The following NAALADL2 variants were observed in gnomAD, a reference collection of about 807,000 sequenced individuals.
NAALADL2 encodes the protein N-acetylated alpha-linked acidic dipeptidase like 2.
Under a neutral mutation model 87.2 loss-of-function variants are expected in NAALADL2, and 76 were observed. That is an observed-to-expected ratio of 0.87 (90% CI 0.72 to 1.05). The LOEUF (loss-of-function observed/expected upper bound fraction) is 1.05. NAALADL2 is among the 50% of genes least tolerant of loss of function. The pLI, the probability that NAALADL2 is intolerant of heterozygous loss-of-function variation, is 0.00. For missense variants in NAALADL2, 1,089 were observed against 945.8 expected, an observed-to-expected ratio of 1.15 and a Z score of -1.99; for synonymous variants, 354 against 331.0, an observed-to-expected ratio of 1.07 and a Z score of -0.75.
At chr3:174,902,348 T>C (rs991466912) in intron 1 of NAALADL2, among the ~76,000 whole-genome samples, 1 of 152,138 alleles carries the variant, frequency 6.6e-6, no homozygotes, top group Non-Finnish European at 1.5e-5. Flanking sequence ...AAATAATGTA[T>C]GTAAAGTACC....
At chr3:174,843,850 C>T (rs940421047) in intron 3 of NAALADL2, among the ~76,000 whole-genome samples, 2 of 151,650 alleles carry the variant, frequency 1.3e-5, no homozygotes, top group African/African-American at 4.8e-5. Context: ...CTATTAAGGT[C>T]TTTTGCTGAT....
At chr3:175,047,716 G>A (rs1015275621) in intron 1 of NAALADL2, among the ~76,000 whole-genome samples, 2 of 152,008 alleles carry the variant, frequency 1.3e-5, no homozygotes, top group Non-Finnish European at 2.9e-5. Flanking sequence ...GATAAACTGA[G>A]ACTAGATCAA....
intron 4 of NAALADL2, among the ~76,000 whole-genome samples, chr3:175,280,788 A>G (rs534637587): frequency 2.6e-5 from 4 of 152,062 alleles, no homozygotes; most frequent in Non-Finnish European, 5.9e-5. Flanking sequence ...AACAATGAAT[A>G]GATGTCTGTT....
chr3:175,467,205 A>T (rs753247037), intron 8 of NAALADL2, 21 bp downstream of exon 8: 11 of 1,583,414 alleles, frequency 6.9e-6, no homozygotes, highest in Middle Eastern at 1.7e-4. Flanking sequence ...ATATACATTA[A>T]TTACAGTGCT....
chr3:175,211,437 A>G (rs560596625), intron 2 of NAALADL2, among the ~76,000 whole-genome samples: 2 of 152,030 alleles, frequency 1.3e-5, no homozygotes, highest in Admixed American at 1.3e-4. Flanking sequence ...TCCTATTGAA[A>G]CTAGTATATT....
intron 4 of NAALADL2, among the ~76,000 whole-genome samples, chr3:175,278,092 C>CT (rs1753833679): frequency 6.6e-6 from 1 of 152,164 alleles, no homozygotes. Flanking sequence ...CGCCACCGCA[C>CT]TCCAGCCTGG....
chr3:174,740,354 A>T (rs1733648958), intron 3 of NAALADL2, among the ~76,000 whole-genome samples: 1 of 151,826 alleles, frequency 6.6e-6, no homozygotes, highest in Non-Finnish European at 1.5e-5. Flanking sequence ...AAACCCTCAG[A>T]CCTGAATTCC....
chr3:175,485,077 G>A (rs1477554816), intron 9 of NAALADL2, among the ~76,000 whole-genome samples: 1 of 152,040 alleles, frequency 6.6e-6, no homozygotes, highest in Non-Finnish European at 1.5e-5. Flanking sequence ...ACAATGTATT[G>A]GCTTTGTAAT....
At chr3:174,829,253 T>G (rs1383940217) in intron 3 of NAALADL2, among the ~76,000 whole-genome samples, 1 of 151,472 alleles carries the variant, frequency 6.6e-6, no homozygotes, top group Non-Finnish European at 1.5e-5. Context: ...CTCCCAGTGC[T>G]ATCCCTCCCC....
chr3:174,536,070 T>C (rs1044708499), intron 1 of NAALADL2, among the ~76,000 whole-genome samples: 1 of 152,118 alleles, frequency 6.6e-6, no homozygotes, highest in Admixed American at 6.5e-5. Flanking sequence ...TAAAAACATT[T>C]TTAAAATGCA....
At chr3:174,613,441 A>G (rs1315855029) in intron 2 of NAALADL2, among the ~76,000 whole-genome samples, 3 of 83,202 alleles carry the variant, frequency 3.6e-5, no homozygotes, top group African/African-American at 2.1e-4. Flanking sequence ...AAACCTTAGA[A>G]GTCTATCTAC....
chr3:175,061,572 A>AAAGT (rs537664871), intron 1 of NAALADL2, among the ~76,000 whole-genome samples: 1 of 152,028 alleles, frequency 6.6e-6, no homozygotes, highest in Non-Finnish European at 1.5e-5. Context: ...GGGGAGGGAG[A>AAAGT]AAGTAAGTGG....
intron 1 of NAALADL2, among the ~76,000 whole-genome samples, chr3:174,507,432 A>G (rs992126027): frequency 1.3e-5 from 2 of 152,068 alleles, no homozygotes; most frequent in Admixed American, 1.3e-4. Context: ...AATACATTTC[A>G]ATACAGTTTC....
At chr3:174,504,218 T>C (rs1453458494) in intron 1 of NAALADL2, among the ~76,000 whole-genome samples, 7 of 152,170 alleles carry the variant, frequency 4.6e-5, no homozygotes, top group African/African-American at 9.6e-5. Flanking sequence ...GAAGGCATCA[T>C]AATATTCTAT....
At chr3:175,411,097 A>T (rs1398751709) in intron 5 of NAALADL2, among the ~76,000 whole-genome samples, 2 of 152,108 alleles carry the variant, frequency 1.3e-5, no homozygotes, top group South Asian at 4.1e-4. Flanking sequence ...GAGTGATTAT[A>T]GTCTTAGAAT....
intron 2 of NAALADL2, among the ~76,000 whole-genome samples, chr3:174,565,691 A>C (rs1182284050): frequency 6.6e-6 from 1 of 152,016 alleles, no homozygotes; most frequent in Non-Finnish European, 1.5e-5. Flanking sequence ...GTGAATGCTA[A>C]AGATTGGGAT....
intron 2 of NAALADL2, among the ~76,000 whole-genome samples, chr3:175,183,508 C>A (rs1228020289): frequency 6.6e-6 from 1 of 151,736 alleles, no homozygotes; most frequent in East Asian, 1.9e-4. Context: ...AAGGTATATA[C>A]CTTCTATATC....
At chr3:175,591,476 A>T (rs1721445862) in intron 10 of NAALADL2, among the ~76,000 whole-genome samples, 1 of 152,096 alleles carries the variant, frequency 6.6e-6, no homozygotes, top group Non-Finnish European at 1.5e-5. Context: ...AATGTTAATC[A>T]TCATCCCAAT....
intron 3 of NAALADL2, among the ~76,000 whole-genome samples, chr3:174,747,171 T>C (rs1225165333): frequency 2.0e-5 from 3 of 152,046 alleles, no homozygotes; most frequent in African/African-American, 7.2e-5. Context: ...ATTTTTGCAA[T>C]GTATGCATCT....
Sources: allele counts gnomAD v4.1 joint callset (sites outside exome capture counted in the v4.1 genomes callset), GRCh38; gene constraint gnomAD v4.1.1; transcripts MANE v1.5; gene names NCBI Gene and HGNC (gene_info 2026-07-23, HGNC 2026-07-21).